C1orf87: variants seen among roughly 807,000 people sequenced by gnomAD.
C1orf87 encodes the protein uncharacterized protein C1orf87.
A neutral mutation model predicts 60.5 loss-of-function variants in C1orf87; 58 were observed. That is an observed-to-expected ratio of 0.96 (90% CI 0.78 to 1.19). The LOEUF is 1.19. Ranked by LOEUF, C1orf87 falls within the 50% of genes most tolerant of loss-of-function variation. The pLI is 0.00. For synonymous variants in C1orf87, 236 were observed against 227.4 expected, an observed-to-expected ratio of 1.04 and a Z score of -0.34; for missense variants, 673 against 638.6, an observed-to-expected ratio of 1.05 and a Z score of -0.58.
chr1:60,020,842 G>A (rs1297901353), intron 8 of C1orf87, among the ~76,000 whole-genome samples: 2 of 152,146 alleles, frequency 1.3e-5, no homozygotes, highest in East Asian at 1.9e-4. Flanking sequence ...TGAGATTTGG[G>A]AGGACCTGGG....
intron 7 of C1orf87, among the ~76,000 whole-genome samples, chr1:60,032,116 C>A (rs2100285085): frequency 6.6e-6 from 1 of 152,250 alleles, no homozygotes; most frequent in Middle Eastern, 3.4e-3. Context: ...CATATCATGT[C>A]CTTGCTCCTT....
intron 8 of C1orf87, among the ~76,000 whole-genome samples, chr1:60,016,904 C>G (rs902673458): frequency 5.9e-5 from 9 of 152,224 alleles, no homozygotes; most frequent in African/African-American, 2.2e-4. Flanking sequence ...AGCTCTGGAA[C>G]TTAGGCAGTT....
intron 4 of C1orf87, among the ~76,000 whole-genome samples, chr1:60,040,637 A>G (rs1645315909): frequency 6.6e-6 from 1 of 152,148 alleles, no homozygotes; most frequent in Non-Finnish European, 1.5e-5. Flanking sequence ...TGCGAGGAGC[A>G]TGAGGAGTTC....
intron 8 of C1orf87, among the ~76,000 whole-genome samples, chr1:60,011,197 A>G (rs921968067): frequency 1.3e-5 from 2 of 152,082 alleles, no homozygotes; most frequent in African/African-American, 4.8e-5. Flanking sequence ...GTAATCATTT[A>G]AAGCTTAAAA....
At chr1:60,010,564 ACTT>A in intron 8 of C1orf87, 108 bp from the exon 9 acceptor site, 2 of 933,894 alleles carry the variant, frequency 2.1e-6, no homozygotes, top group South Asian at 2.9e-5. Context: ...GCTTTTTGAT[ACTT>A]CTATCATTTA....
intron 9 of C1orf87, among the ~76,000 whole-genome samples, chr1:60,006,707 A>G (rs1333163799): frequency 6.6e-6 from 1 of 151,958 alleles, no homozygotes; most frequent in Non-Finnish European, 1.5e-5. Flanking sequence ...AGACCTTACC[A>G]TGTTTAGAGG....
chr1:60,031,211 T>C (rs546975398), intron 7 of C1orf87, among the ~76,000 whole-genome samples: 2 of 152,172 alleles, frequency 1.3e-5, no homozygotes, highest in Non-Finnish European at 2.9e-5. Flanking sequence ...TGAGGTGTGA[T>C]AGTGGCTGCT....
At chr1:60,072,513 G>T in intron 2 of C1orf87, 24 bp downstream of exon 2, 2 of 1,491,980 alleles carry the variant, frequency 1.3e-6, no homozygotes, top group Non-Finnish European at 1.8e-6. Context: ...AAGCAACATA[G>T]ATATTTTTCA....
At chr1:60,040,207 C>G (rs1213334398) in intron 4 of C1orf87, 27 bp from the exon 5 acceptor site, 9 of 1,590,052 alleles carry the variant, frequency 5.7e-6, no homozygotes, top group African/African-American at 2.7e-5. Flanking sequence ...AAACAAAGAG[C>G]AAGACTCTTC....
intron 3 of C1orf87, among the ~76,000 whole-genome samples, chr1:60,054,628 A>G (rs908919279): frequency 2.6e-5 from 4 of 152,126 alleles, no homozygotes; most frequent in African/African-American, 4.8e-5. Context: ...TTTTGTCTTG[A>G]TTTAGATCCA....
intron 2 of C1orf87, 147 bp from the exon 3 acceptor site, chr1:60,055,585 C>T (rs1645448882): frequency 3.1e-6 from 2 of 652,604 alleles, no homozygotes; most frequent in Non-Finnish European, 5.3e-6. Context: ...GGTTATTTGT[C>T]TATGCATCAT....
chr1:60,046,326 C>G (rs1350543238), intron 3 of C1orf87, among the ~76,000 whole-genome samples: 2 of 134,884 alleles, frequency 1.5e-5, no homozygotes, highest in Non-Finnish European at 3.2e-5. Context: ...CCCTCCCTCC[C>G]TCTCTCCCTC....
At position 60,001,164 on chromosome 1, in the gene C1orf87, A is replaced by G. The variant is rs576233691; in HGVS notation, c.1193-8T>C. On this transcript the variant is annotated splice_polypyrimidine_tract_variant and splice_region_variant and intron_variant, in intron 9 of 11. Coordinates refer to ENST00000371201, the MANE Select transcript of C1orf87 (RefSeq NM_152377.3). ...CTTTCTTTTCATTCTTCCCTGAACA[A>G]GAATAAAAAAAAAAAAAGGAAGGGT... 4 of 1,544,426 alleles carry G rather than the reference A, an allele frequency of 2.6e-6. No individual in the cohort carries two copies. The African/African-American group carries it at 4.5e-5, about 17-fold the overall frequency.
intron 7 of C1orf87, among the ~76,000 whole-genome samples, chr1:60,027,627 G>A (rs141011474): frequency 9.2e-5 from 14 of 152,020 alleles, no homozygotes; most frequent in South Asian, 4.2e-4. Context: ...GCTCATCTTC[G>A]TTTTTCTTTA....
chr1:60,028,423 C>G (rs1645214503), intron 7 of C1orf87, among the ~76,000 whole-genome samples: 1 of 152,144 alleles, frequency 6.6e-6, no homozygotes, highest in South Asian at 2.1e-4. Context: ...CAGAAAATCA[C>G]AGCAATTCCA....
intron 2 of C1orf87, among the ~76,000 whole-genome samples, chr1:60,065,291 A>G (rs908354140): frequency 6.6e-6 from 1 of 151,532 alleles, no homozygotes; most frequent in Non-Finnish European, 1.5e-5. Flanking sequence ...AGGGGAGGGA[A>G]GAAGATACTA....
intron 2 of C1orf87, among the ~76,000 whole-genome samples, chr1:60,069,160 G>A (rs1645568111): frequency 6.6e-6 from 1 of 152,098 alleles, no homozygotes; most frequent in African/African-American, 2.4e-5. Context: ...CCCCCAGGTG[G>A]GGCAGGCAAA....
At chr1:59,991,905 A>G (rs187777522) in intron 11 of C1orf87, among the ~76,000 whole-genome samples, 1 of 152,320 alleles carries the variant, frequency 6.6e-6, no homozygotes, top group Admixed American at 6.5e-5. Context: ...TGTGTCAGAT[A>G]CTGTGCTTGG....
At chr1:60,010,546 T>A (rs1457988226) in intron 8 of C1orf87, 90 bp from the exon 9 acceptor site, 3 of 1,107,448 alleles carry the variant, frequency 2.7e-6, no homozygotes, top group Admixed American at 1.9e-5. Flanking sequence ...GGTAGTGATA[T>A]TGAATAAGCT....
Sources: gnomAD v4.1 joint callset for allele counts (sites outside exome capture counted in the v4.1 genomes callset) on GRCh38, gnomAD v4.1.1 for gene constraint, MANE v1.5 for transcripts, NCBI Gene and HGNC (gene_info 2026-07-23, HGNC 2026-07-21) for gene names.